CPED1: variants seen among roughly 807,000 people sequenced by gnomAD.
CPED1 encodes cadherin-like and PC-esterase domain-containing protein 1.
CPED1 carries 114 observed loss-of-function variants against 128.2 expected under a neutral mutation model. The observed-to-expected ratio is 0.89, with a 90% CI of 0.76 to 1.04. CPED1 has a LOEUF of 1.04. CPED1 is among the 50% of genes least tolerant of loss of function. CPED1 has a pLI of 0.00. For missense variants in CPED1, 1,211 were observed against 1,207.1 expected, an observed-to-expected ratio of 1.00 and a Z score of -0.05; for synonymous variants, 462 against 426.7, an observed-to-expected ratio of 1.08 and a Z score of -1.02.
intron 16 of CPED1, among the ~76,000 whole-genome samples, chr7:121,207,492 G>C (rs184752024): frequency 6.6e-4 from 100 of 152,048 alleles, no homozygotes; most frequent in Non-Finnish European, 4.4e-5. Context: ...TATATGTGTC[G>C]CTTAGAGCTA....
At chr7:121,161,690 C>A (rs1162907260) in intron 16 of CPED1, among the ~76,000 whole-genome samples, 1 of 152,140 alleles carries the variant, frequency 6.6e-6, no homozygotes, top group Non-Finnish European at 1.5e-5. Context: ...AGAGTGGGAG[C>A]TGCAAATCTA....
rs773787452 is a variant in CPED1, at chr7:121,064,238, G to A, written c.541G>A (p.Ala181Thr). Residue 181 changes from alanine (A) to threonine (T), a missense_variant and splice_region_variant, in exon 5 of 23, where the codon GCA becomes ACA. Ala to Thr is a moderately conservative substitution (Grantham distance 58). Transcript: ENST00000310396. ...VMCQLGLHQK[A>T]NRLPEIQQPL... ...CTAGAATCTTTTTCATTCCTTTCAG[G>A]CAAACAGATTACCAGAAATACAGCA... 7.5e-6 allele frequency: 12 copies of A among 1,599,578 alleles called. No individual in the cohort carries two copies. In the African/African-American group the frequency reaches 1.5e-4, roughly 20 times the overall value.
At position 120,993,366 on chromosome 7, in the gene CPED1, C is replaced by T. The variant is rs574648472; in HGVS notation, c.249+3496C>T. On this transcript the variant is annotated intron_variant, in intron 2 of 22. Transcript: ENST00000310396. ...CACCATAGCCATGTGTTTCTGATTA[C>T]CTCCTGTTGATGGCTCCAAAATGAG... 1.2e-4 allele frequency among the ~76,000 whole-genome samples: 19 copies of T among 152,284 alleles called. No homozygotes were observed. The Middle Eastern group carries it at 0.01, about 82-fold the overall frequency.
chr7:121,141,500 C>T (rs1022367894), intron 15 of CPED1, among the ~76,000 whole-genome samples: 1 of 151,996 alleles, frequency 6.6e-6, no homozygotes, highest in Admixed American at 6.6e-5. Flanking sequence ...AGAAGATACT[C>T]ATGGTTCCAT....
At chr7:121,113,593 C>T (rs138282920) in intron 7 of CPED1, among the ~76,000 whole-genome samples, 26 of 152,000 alleles carry the variant, frequency 1.7e-4, no homozygotes, top group African/African-American at 6.0e-4. Flanking sequence ...CCTTATTTGG[C>T]CAGAATTTGA....
intron 16 of CPED1, among the ~76,000 whole-genome samples, chr7:121,227,581 T>C (rs1408407661): frequency 1.3e-5 from 2 of 152,038 alleles, no homozygotes; most frequent in African/African-American, 2.4e-5. Flanking sequence ...ATAAAACCAA[T>C]GATTTGCTCT....
In CPED1 at chr7:121,124,365, G is replaced by A; in HGVS notation, c.953G>A (p.Ser318Asn). ...QTFFETFLRA[S>N]SPQQAFDIMK... ...TTTTTTGAGACATTCCTGAGAGCCA[G>A]TTCACCTCAACAGGCTTTTGACATT... Residue 318 changes from serine to asparagine, a missense_variant, in exon 8 of 23, where the codon AGT becomes AAT. Coordinates refer to ENST00000310396, the MANE Select transcript of CPED1 (RefSeq NM_024913.5). 2 of 1,610,046 alleles carry A rather than the reference G, an allele frequency of 1.2e-6. No individual in the cohort carries two copies. The highest frequency in any genetic ancestry group is 8.5e-7 in the Non-Finnish European group (1 of 1,177,770).
At chr7:121,184,303 G>A (rs772032196) in intron 16 of CPED1, among the ~76,000 whole-genome samples, 11 of 152,124 alleles carry the variant, frequency 7.2e-5, no homozygotes, top group Non-Finnish European at 1.5e-4. Context: ...GTCTTAAGTT[G>A]CTGAAAAATC....
chr7:121,072,896 T>C (rs1794029757), intron 5 of CPED1, among the ~76,000 whole-genome samples: 1 of 152,196 alleles, frequency 6.6e-6, no homozygotes, highest in Non-Finnish European at 1.5e-5. Context: ...CAGAGTGAAG[T>C]CTACCTAATT....
chr7:121,195,895 G>T (rs2116545392), intron 16 of CPED1, among the ~76,000 whole-genome samples: 1 of 152,206 alleles, frequency 6.6e-6, no homozygotes, highest in Non-Finnish European at 1.5e-5. Flanking sequence ...AGAAATAGGG[G>T]TTTTCTTGAA....
intron 16 of CPED1, among the ~76,000 whole-genome samples, chr7:121,143,941 C>G (rs10246697): frequency 0.44 from 66,780 of 151,682 alleles, 15,945 homozygotes; most frequent in East Asian, 0.84. Flanking sequence ...CAATATTATA[C>G]TATTGGGGCA....
intron 16 of CPED1, among the ~76,000 whole-genome samples, chr7:121,227,495 C>T (rs1038891223): frequency 2.6e-5 from 4 of 152,058 alleles, no homozygotes; most frequent in African/African-American, 9.7e-5. Context: ...CAACTTTCAA[C>T]TGCAATTTGT....
intron 17 of CPED1, among the ~76,000 whole-genome samples, chr7:121,243,030 C>T (rs774237403): frequency 4.9e-4 from 74 of 152,196 alleles, no homozygotes; most frequent in Middle Eastern, 3.4e-3. Flanking sequence ...GAAATCCTTT[C>T]CCCTAAAATT....
intron 16 of CPED1, among the ~76,000 whole-genome samples, chr7:121,217,732 C>T (rs1797788889): frequency 6.6e-6 from 1 of 152,032 alleles, no homozygotes; most frequent in African/African-American, 2.4e-5. Flanking sequence ...GCACTGGCCT[C>T]ATCTGTATTA....
At chr7:121,112,805 G>A (rs914897693) in intron 7 of CPED1, among the ~76,000 whole-genome samples, 3 of 152,148 alleles carry the variant, frequency 2.0e-5, no homozygotes, top group East Asian at 1.9e-4. Flanking sequence ...TGCATACTGG[G>A]ATAGGAAGAA....
intron 4 of CPED1, among the ~76,000 whole-genome samples, chr7:121,061,602 T>C (rs1433884244): frequency 6.6e-6 from 1 of 152,170 alleles, no homozygotes; most frequent in African/African-American, 2.4e-5. Context: ...TTAATTTTGC[T>C]GTGAACCCAA....
chr7:121,043,313 C>T (rs1000183275), intron 3 of CPED1, among the ~76,000 whole-genome samples: 1 of 152,072 alleles, frequency 6.6e-6, no homozygotes, highest in Non-Finnish European at 1.5e-5. Flanking sequence ...AGGAAGGAAC[C>T]CTAAGAGGCT....
chr7:121,119,591 C>T lies in CPED1; in HGVS notation c.919-4740C>T, dbSNP rs531397658. On this transcript the variant is annotated intron_variant, in intron 7 of 22. Coordinates refer to ENST00000310396, the MANE Select transcript of CPED1 (RefSeq NM_024913.5). Reference sequence around the variant, plus strand: ...CTGTAATCCCAGCACTTTGGGAGGCCGAGGCGGGCGGATCACGAGGTCAGG... The same window carrying T: ...CTGTAATCCCAGCACTTTGGGAGGCTGAGGCGGGCGGATCACGAGGTCAGG... Among the ~76,000 whole-genome samples, 67 of 150,092 alleles carry T rather than the reference C, an allele frequency of 4.5e-4. No homozygotes were observed. In the South Asian group the frequency reaches 8.9e-3, roughly 20 times the overall value.
At chr7:121,076,075 T>C (rs12672958) in intron 5 of CPED1, among the ~76,000 whole-genome samples, 70,140 of 151,880 alleles carry the variant, frequency 0.46, 16,483 homozygotes, top group East Asian at 0.61. Flanking sequence ...TCATAGTCCC[T>C]AATATATAAT....
Sources: gnomAD v4.1 joint callset for allele counts (sites outside exome capture counted in the v4.1 genomes callset) on GRCh38, gnomAD v4.1.1 for gene constraint, MANE v1.5 for transcripts, NCBI Gene and HGNC (gene_info 2026-07-23, HGNC 2026-07-21) for gene names.